The following TCEA1 variants were observed in gnomAD, a reference collection of about 807,000 sequenced individuals.
TCEA1 encodes transcription elongation factor A protein 1.
In TCEA1, 21 loss-of-function variants were observed where a neutral mutation model predicts 43.8. The observed-to-expected ratio is 0.48, with a 90% confidence interval of 0.34 to 0.69. The LOEUF is 0.69. Among genes scored for constraint, TCEA1 ranks in the 30% least tolerant of loss-of-function variants. The pLI is 0.01. For synonymous variants in TCEA1, 104 were observed against 117.5 expected, an observed-to-expected ratio of 0.88 and a Z score of 0.75; for missense variants, 250 against 365.1, an observed-to-expected ratio of 0.68 and a Z score of 2.57.
At chr8:53,981,446 CT>C (rs1009652972) in intron 7 of TCEA1, among the ~76,000 whole-genome samples, 6 of 152,178 alleles carry the variant, frequency 3.9e-5, no homozygotes, top group African/African-American at 1.4e-4. Flanking sequence ...TTTGGAAAAT[CT>C]TACAGCCCTT....
At chr8:53,989,215 A>G (rs967324770) in intron 4 of TCEA1, among the ~76,000 whole-genome samples, 6 of 152,340 alleles carry the variant, frequency 3.9e-5, no homozygotes, top group Non-Finnish European at 7.3e-5. Flanking sequence ...CGATATGAAC[A>G]TTTAGGCAGT....
Position 53,975,681 on chromosome 8 carries a change from G to C in TCEA1, c.825+3344C>G, listed in dbSNP as rs117464564. Among the ~76,000 whole-genome samples the C allele has an allele frequency of 3.0e-4, 46 of 152,268 alleles. 2 individuals are homozygous for C. The East Asian group carries it at 8.9e-3, about 29-fold the overall frequency. ...TGATTCTACTTATATGAAGTACTTG[G>C]TATAGTCAAATTCTGAGAGTCAGAG... is the stretch of plus-strand genomic sequence containing the variant. On this transcript the variant is annotated intron_variant, in intron 8 of 9. Coordinates refer to ENST00000521604, the MANE Select transcript of TCEA1 (RefSeq NM_006756.4).
In TCEA1 at chr8:54,021,948, G is replaced by A. The variant is rs1000582320; in HGVS notation, c.63+115C>T. ...CGGGGACGCGGGCGCGGCGGGCCCG[G>A]CTCCCAGACGGGAGGCTGCAGGGGG... On this transcript the variant is annotated intron_variant, in intron 1 of 9. Coordinates refer to ENST00000521604, the MANE Select transcript of TCEA1 (RefSeq NM_006756.4). The A allele has an allele frequency of 3.3e-5, 36 of 1,097,190 alleles. No homozygotes were observed. In the South Asian group the frequency reaches 8.9e-4, roughly 27 times the overall value. The allele number at this position is 1,097,190 out of a possible 1,614,324, so 68.0% of individuals were successfully genotyped here. A position where few individuals can be genotyped will look rare whatever the true frequency, so the allele number is the denominator to read the frequency against.
intron 3 of TCEA1, 28 bp from the exon 4 acceptor site, chr8:53,993,783 C>T (rs1803961126): frequency 1.3e-6 from 2 of 1,585,192 alleles, no homozygotes; most frequent in Non-Finnish European, 1.7e-6. Context: ...TCTTAAGTTG[C>T]TAGCATTTGT....
chr8:53,969,921 A>C (rs1037765754), intron 9 of TCEA1, among the ~76,000 whole-genome samples: 1 of 152,222 alleles, frequency 6.6e-6, no homozygotes, highest in Non-Finnish European at 1.5e-5. Flanking sequence ...CACAGGCAAT[A>C]TGAAGGCTTA....
intron 1 of TCEA1, among the ~76,000 whole-genome samples, chr8:54,018,371 T>G (rs1804907223): frequency 6.6e-6 from 1 of 152,182 alleles, no homozygotes; most frequent in African/African-American, 2.4e-5. Flanking sequence ...ATGAATCCTT[T>G]ACAAAGAAAG....
At chr8:53,968,170 C>T (rs1339340409) in intron 9 of TCEA1, 58 bp from the exon 10 acceptor site, 23 of 1,354,564 alleles carry the variant, frequency 1.7e-5, no homozygotes, top group Non-Finnish European at 2.1e-5. Context: ...GGTACATTCC[C>T]CATTTAATAC....
intron 6 of TCEA1, among the ~76,000 whole-genome samples, chr8:53,985,473 G>C (rs999838091): frequency 1.3e-5 from 2 of 152,036 alleles, no homozygotes; most frequent in Non-Finnish European, 2.9e-5. Flanking sequence ...TTCTACTAAG[G>C]ATCCTAAAGT....
intron 8 of TCEA1, among the ~76,000 whole-genome samples, chr8:53,977,770 A>AT (rs1241427179): frequency 6.6e-6 from 1 of 152,076 alleles, no homozygotes; most frequent in East Asian, 1.9e-4. Context: ...TTCAGCTGTT[A>AT]AAGAATAAAA....
chr8:53,997,216 C>A (rs1484845433), intron 3 of TCEA1, among the ~76,000 whole-genome samples: 1 of 152,016 alleles, frequency 6.6e-6, no homozygotes. Context: ...CCAGAAGGTT[C>A]TTCTTCTAAC....
At chr8:54,001,290 AAG>A (rs771124762) in intron 2 of TCEA1, among the ~76,000 whole-genome samples, 1 of 152,336 alleles carries the variant, frequency 6.6e-6, no homozygotes, top group Middle Eastern at 3.4e-3. Flanking sequence ...GGTGAAAAAA[AAG>A]AGACACCCTA....
chr8:53,989,369 CT>C (rs1157464564), intron 4 of TCEA1, among the ~76,000 whole-genome samples: 15 of 152,160 alleles, frequency 9.9e-5, no homozygotes, highest in African/African-American at 2.4e-5. Context: ...TGCCATAACC[CT>C]TTTCAAAGAC....
At chr8:54,015,176 A>T (rs547737344) in intron 1 of TCEA1, among the ~76,000 whole-genome samples, 17 of 145,814 alleles carry the variant, frequency 1.2e-4, no homozygotes, top group South Asian at 2.2e-4. Flanking sequence ...GATATTATCC[A>T]TTTTTTTTTT....
intron 7 of TCEA1, 59 bp downstream of exon 7, chr8:53,984,304 G>A (rs1432193149): frequency 6.8e-7 from 1 of 1,473,930 alleles, no homozygotes; most frequent in African/African-American, 1.4e-5. Flanking sequence ...ATGATAATAG[G>A]CTTTACACTT....
rs1471902060 is a variant in TCEA1 at position 53,996,918 on chromosome 8, T to TTTTTTTTTTTTTTTA, written c.232+3026_232+3027insTAAAAAAAAAAAAAA. ...AGAAGGTTGTCTTTTTTTTTTTTTT[T>TTTTTTTTTTTTTTTA]AGACAGACTCTCACTCTGTTGCCCA... On this transcript the variant is annotated intron_variant, in intron 3 of 9. Coordinates refer to ENST00000521604, the MANE Select transcript of TCEA1 (RefSeq NM_006756.4). Among the ~76,000 whole-genome samples, 11 of 149,102 alleles carry TTTTTTTTTTTTTTTA rather than the reference T, an allele frequency of 7.4e-5. No individual in the cohort carries two copies. In the East Asian group the frequency reaches 1.2e-3, roughly 16 times the overall value.
Position 54,022,138 on chromosome 8 carries a change from T to C in TCEA1, c.-13A>G. On this transcript the variant is annotated 5_prime_UTR_variant, in exon 1 of 10. Transcript: ENST00000521604. ...CTTCGTCCTCCATGGCTCCGGCAGG[T>C]CTTCTCCGCGCCCACCCCGCTGGCA... The C allele has an allele frequency of 6.3e-7, 1 of 1,579,898 alleles. No individual in the cohort carries two copies. The highest frequency in any genetic ancestry group is 8.6e-7 in the Non-Finnish European group (1 of 1,160,342).
chr8:54,004,206 G>T (rs980253682), intron 2 of TCEA1, among the ~76,000 whole-genome samples: 2 of 152,150 alleles, frequency 1.3e-5, no homozygotes, highest in African/African-American at 2.4e-5. Flanking sequence ...TGGTATGGTG[G>T]CTGGAGAAAA....
At chr8:54,013,767 A>C (rs935059662) in intron 1 of TCEA1, among the ~76,000 whole-genome samples, 1 of 152,122 alleles carries the variant, frequency 6.6e-6, no homozygotes, top group Non-Finnish European at 1.5e-5. Flanking sequence ...CAAAACAGAT[A>C]ATCATACATT....
In TCEA1 at chr8:53,981,209, C is replaced by T. The variant is rs192101781; in HGVS notation, c.679-2038G>A. ...GCAGCAAGTGCTGATGGAGAAGCTA[C>T]GGCAAGTTATCCAAAAGATCTAGCT... On this transcript the variant is annotated intron_variant, in intron 7 of 9. Transcript: ENST00000521604. Among the ~76,000 whole-genome samples, 11 of 152,292 alleles carry T rather than the reference C, an allele frequency of 7.2e-5. No individual in the cohort carries two copies. The East Asian group carries it at 7.7e-4, about 11-fold the overall frequency.
Sources: gnomAD v4.1 joint callset for allele counts (sites outside exome capture counted in the v4.1 genomes callset) on GRCh38, gnomAD v4.1.1 for gene constraint, MANE v1.5 for transcripts, NCBI Gene and HGNC (gene_info 2026-07-23, HGNC 2026-07-21) for gene names.